The following GFRA1 variants were observed in gnomAD, a reference collection of about 807,000 sequenced individuals.
The protein encoded by GFRA1 is GDNF family receptor alpha-1.
GFRA1 carries 16 observed loss-of-function variants against 51.6 expected under a neutral mutation model. The ratio of observed to expected loss-of-function variants is 0.31; its 90% CI spans 0.21 to 0.47. The LOEUF is 0.47. Among genes scored for constraint, GFRA1 ranks in the 20% least tolerant of loss-of-function variants. The pLI, the probability that GFRA1 is intolerant of heterozygous loss-of-function variation, is 1.00. For synonymous variants in GFRA1, 270 were observed against 241.3 expected (o/e 1.12, Z -1.10); for missense variants, 530 against 594.3 (o/e 0.89, Z 1.13).
intron 5 of GFRA1, among the ~76,000 whole-genome samples, chr10:116,187,466 G>A (rs991354261): frequency 5.3e-5 from 8 of 152,110 alleles, no homozygotes; most frequent in Admixed American, 2.0e-4. Flanking sequence ...AAGGAGTTAC[G>A]TTCTAATTCT....
intron 5 of GFRA1, among the ~76,000 whole-genome samples, chr10:116,173,923 A>G (rs1961310629): frequency 6.6e-6 from 1 of 152,150 alleles, no homozygotes; most frequent in African/African-American, 2.4e-5. Context: ...TCTACTAAAA[A>G]TACAAAACTA....
chr10:116,090,110 A>T (rs1440975144), intron 8 of GFRA1, among the ~76,000 whole-genome samples, 188 bp from the exon 9 acceptor site: 1 of 152,180 alleles, frequency 6.6e-6, no homozygotes, highest in Non-Finnish European at 1.5e-5. Flanking sequence ...CTCAAAAATC[A>T]ATTCAGTCAT....
chr10:116,259,873 C>T (rs1182621158), intron 4 of GFRA1, among the ~76,000 whole-genome samples: 1 of 152,194 alleles, frequency 6.6e-6, no homozygotes, highest in Non-Finnish European at 1.5e-5. Flanking sequence ...GGGCACAATA[C>T]ATACCTTTTA....
chr10:116,078,672 G>T (rs1306440048), intron 9 of GFRA1, among the ~76,000 whole-genome samples: 1 of 152,084 alleles, frequency 6.6e-6, no homozygotes, highest in Non-Finnish European at 1.5e-5. Flanking sequence ...TATAGCCAAG[G>T]TTAGATATAG....
At chr10:116,234,591 C>T (rs931032533) in intron 4 of GFRA1, among the ~76,000 whole-genome samples, 13 of 152,186 alleles carry the variant, frequency 8.5e-5, no homozygotes, top group African/African-American at 2.9e-4. Context: ...CACATTTGGC[C>T]TCTTAATGTT....
At chr10:116,174,766 C>T (rs1961415130) in intron 5 of GFRA1, among the ~76,000 whole-genome samples, 1 of 152,120 alleles carries the variant, frequency 6.6e-6, no homozygotes, top group Admixed American at 6.5e-5. Context: ...TGCACCAGTG[C>T]TAATATAAAT....
At chr10:116,230,919 A>G (rs936682958) in intron 4 of GFRA1, among the ~76,000 whole-genome samples, 2 of 152,298 alleles carry the variant, frequency 1.3e-5, no homozygotes, top group African/African-American at 4.8e-5. Context: ...ACATCTCTGG[A>G]TGGGTGGAGC....
Position 116,201,260 on chromosome 10 carries a change from T to C in GFRA1, c.433+10371A>G, listed in dbSNP as rs151025693. Among the ~76,000 whole-genome samples the C allele has an allele frequency of 1.6e-4, 25 of 151,978 alleles. 2 individuals are homozygous for C. The East Asian group carries it at 4.7e-3, about 28-fold the overall frequency. On this transcript the variant is annotated intron_variant, in intron 5 of 10. Coordinates refer to ENST00000355422, the MANE Select transcript of GFRA1 (RefSeq NM_005264.8). ...TAATGAAAGGAGTAATAAAAATGAG[T>C]AATATAAATGGGAAAACTCAATAGC...
chr10:116,065,654 CA>C, intron 9 of GFRA1, 28 bp from the exon 10 acceptor site: 1 of 1,592,474 alleles, frequency 6.3e-7, no homozygotes, highest in Non-Finnish European at 8.6e-7. Flanking sequence ...AAAAAATGCT[CA>C]AACATAATAC....
intron 6 of GFRA1, among the ~76,000 whole-genome samples, chr10:116,102,431 G>A (rs1321688846): frequency 1.3e-5 from 2 of 152,192 alleles, no homozygotes; most frequent in East Asian, 1.9e-4. Flanking sequence ...AAAGGAGTCT[G>A]TTGTACCCCA....
intron 4 of GFRA1, among the ~76,000 whole-genome samples, chr10:116,252,501 A>T (rs1968466966): frequency 6.6e-6 from 1 of 152,148 alleles, no homozygotes; most frequent in Non-Finnish European, 1.5e-5. Flanking sequence ...CGCCTACTGC[A>T]TGGTGGGGCT....
chr10:116,113,637 T>C (rs1957299243), intron 6 of GFRA1, among the ~76,000 whole-genome samples: 2 of 152,206 alleles, frequency 1.3e-5, no homozygotes, highest in South Asian at 2.1e-4. Context: ...AAATGGGCAG[T>C]GCGGCATTCG....
At chr10:116,211,508 T>C (rs2134444154) in intron 5 of GFRA1, 123 bp downstream of exon 5, 2 of 884,026 alleles carry the variant, frequency 2.3e-6, no homozygotes, top group East Asian at 5.3e-5. Context: ...ATGGTGTCCC[T>C]GAGGGCCTAA....
In GFRA1 at chr10:116,208,230, T is replaced by C. The variant is rs186230657; in HGVS notation, c.433+3401A>G. Reference sequence around the variant, plus strand: ...GTAACTGGCCCTACTTGTCATTCTCTGGCCACTCCTTCTGCAGTGGTCCTA... The same window carrying C: ...GTAACTGGCCCTACTTGTCATTCTCCGGCCACTCCTTCTGCAGTGGTCCTA... On this transcript the variant is annotated intron_variant, in intron 5 of 10. Coordinates refer to ENST00000355422, the MANE Select transcript of GFRA1 (RefSeq NM_005264.8). Among the ~76,000 whole-genome samples the C allele has an allele frequency of 1.0e-3, 155 of 152,118 alleles. 1 individual carries two copies. Among genetic ancestry groups the C allele is most frequent in the South Asian group, 1.0e-3 (5 of 4,814 alleles).
chr10:116,126,306 T>A (rs1471608551), intron 5 of GFRA1, among the ~76,000 whole-genome samples: 1 of 152,230 alleles, frequency 6.6e-6, no homozygotes, highest in African/African-American at 2.4e-5. Flanking sequence ...TCACAGAGCA[T>A]ATGCTGCCTT....
At chr10:116,151,075 T>A (rs1013682732) in intron 5 of GFRA1, among the ~76,000 whole-genome samples, 16 of 152,006 alleles carry the variant, frequency 1.1e-4, no homozygotes, top group Non-Finnish European at 2.1e-4. Context: ...GAGCCACATC[T>A]GACTAAACTG....
chr10:116,133,786 G>T (rs768406494), intron 5 of GFRA1, among the ~76,000 whole-genome samples: 1 of 152,240 alleles, frequency 6.6e-6, no homozygotes, highest in Admixed American at 6.5e-5. Context: ...GCCCTGACCT[G>T]CAGGCAGAGC....
At chr10:116,092,319 T>G (rs1291699948) in intron 8 of GFRA1, among the ~76,000 whole-genome samples, 1 of 152,148 alleles carries the variant, frequency 6.6e-6, no homozygotes, top group African/African-American at 2.4e-5. Flanking sequence ...TTATTTGAAG[T>G]GTCTGGTAAG....
chr10:116,114,406 C>T (rs1434805701), intron 6 of GFRA1, among the ~76,000 whole-genome samples: 3 of 152,288 alleles, frequency 2.0e-5, no homozygotes, highest in Middle Eastern at 3.4e-3. Flanking sequence ...ACTCTGCCTC[C>T]GCCTCCGCCC....
Sources: allele counts gnomAD v4.1 joint callset (sites outside exome capture counted in the v4.1 genomes callset), GRCh38; gene constraint gnomAD v4.1.1; transcripts MANE v1.5; gene names NCBI Gene and HGNC (gene_info 2026-07-23, HGNC 2026-07-21).